Variants in RAPGEF6 observed in about 807,000 individuals in gnomAD.
The protein encoded by RAPGEF6 is Rap guanine nucleotide exchange factor 6, also known as PDZ domain containing guanine nucleotide exchange factor (GEF) 2.
RAPGEF6 carries 56 observed loss-of-function variants against 171.4 expected under a neutral mutation model. That is an observed-to-expected ratio of 0.33 (90% CI 0.26 to 0.41). RAPGEF6 has a LOEUF of 0.41. RAPGEF6 is among the 10% of genes least tolerant of loss of function. RAPGEF6 has a pLI of 1.00. For synonymous variants in RAPGEF6, 692 were observed against 650.1 expected (o/e 1.06, Z -0.98); for missense variants, 1,674 against 1,921.4 (o/e 0.87, Z 2.41).
intron 6 of RAPGEF6, among the ~76,000 whole-genome samples, chr5:131,528,313 T>TTATATATATATATA (rs71590767): frequency 9.4e-4 from 46 of 48,814 alleles, no homozygotes; most frequent in African/African-American, 3.2e-3. Flanking sequence ...TATATTTATA[T>TTATATATATATATA]TATATATATA....
chr5:131,591,221 A>G (rs940500397), intron 4 of RAPGEF6, among the ~76,000 whole-genome samples: 3 of 152,174 alleles, frequency 2.0e-5, no homozygotes, highest in Non-Finnish European at 4.4e-5. Flanking sequence ...AAAAGCCTAG[A>G]AATTTCTTCT....
At chr5:131,621,574 G>A (rs145196198) in intron 1 of RAPGEF6, among the ~76,000 whole-genome samples, 11 of 152,206 alleles carry the variant, frequency 7.2e-5, no homozygotes, top group Admixed American at 2.6e-4. Context: ...TTACAGGCAC[G>A]AGCCACCACA....
intron 1 of RAPGEF6, among the ~76,000 whole-genome samples, chr5:131,620,844 G>A (rs1313551409): frequency 3.3e-5 from 5 of 152,052 alleles, no homozygotes; most frequent in African/African-American, 1.2e-4. Flanking sequence ...TGCCCACCTC[G>A]GCCTCTCAAA....
intron 6 of RAPGEF6, among the ~76,000 whole-genome samples, chr5:131,526,274 G>A (rs1758865769): frequency 6.6e-6 from 1 of 152,096 alleles, no homozygotes; most frequent in Non-Finnish European, 1.5e-5. Context: ...ACATTTGAGT[G>A]CCCACCATTT....
intron 21 of RAPGEF6, among the ~76,000 whole-genome samples, chr5:131,449,326 A>C (rs1321902472): frequency 5.3e-5 from 8 of 152,194 alleles, no homozygotes; most frequent in Admixed American, 4.6e-4. Context: ...TCTTCAATTA[A>C]AGCTGGTAAA....
chr5:131,467,279 T>C (rs1754424564), intron 17 of RAPGEF6, among the ~76,000 whole-genome samples: 1 of 152,238 alleles, frequency 6.6e-6, no homozygotes, highest in Non-Finnish European at 1.5e-5. Flanking sequence ...AATTGTTATA[T>C]GATCACATAA....
At chr5:131,487,306 A>T (rs2149867828) in intron 15 of RAPGEF6, among the ~76,000 whole-genome samples, 1 of 152,348 alleles carries the variant, frequency 6.6e-6, no homozygotes, top group South Asian at 2.1e-4. Flanking sequence ...GAAAGAACAA[A>T]GCTTCCAGAG....
At chr5:131,600,008 AAAG>A (rs1171731575) in intron 3 of RAPGEF6, among the ~76,000 whole-genome samples, 1 of 152,206 alleles carries the variant, frequency 6.6e-6, no homozygotes, top group Non-Finnish European at 1.5e-5. Flanking sequence ...GTACTGTTTT[AAAG>A]AAGAATACCC....
intron 3 of RAPGEF6, among the ~76,000 whole-genome samples, chr5:131,596,761 A>G (rs1310416201): frequency 6.6e-6 from 1 of 152,266 alleles, no homozygotes; most frequent in Non-Finnish European, 1.5e-5. Context: ...AAAGACTTAA[A>G]TGTGAAACCT....
chr5:131,517,812 C>G (rs1407319214), intron 7 of RAPGEF6, among the ~76,000 whole-genome samples: 1 of 146,868 alleles, frequency 6.8e-6, no homozygotes. Context: ...CACACACACA[C>G]ACACACACAC....
chr5:131,452,282 T>C (rs1016843417), intron 21 of RAPGEF6, among the ~76,000 whole-genome samples: 1 of 151,916 alleles, frequency 6.6e-6, no homozygotes, highest in Non-Finnish European at 1.5e-5. Context: ...TTATGTAAGC[T>C]GAGGAAGCCT....
At chr5:131,599,870 C>G (rs1764124007) in intron 3 of RAPGEF6, among the ~76,000 whole-genome samples, 1 of 152,122 alleles carries the variant, frequency 6.6e-6, no homozygotes. Context: ...AAAAATCAAA[C>G]ATAGAGAAAT....
intron 5 of RAPGEF6, among the ~76,000 whole-genome samples, chr5:131,559,814 C>T (rs745954847): frequency 2.0e-5 from 3 of 147,284 alleles, no homozygotes; most frequent in Non-Finnish European, 4.5e-5. Context: ...ACTCTACTCT[C>T]GGTAAGCCCC....
At chr5:131,612,095 G>A (rs767347550) in intron 1 of RAPGEF6, among the ~76,000 whole-genome samples, 19 of 152,100 alleles carry the variant, frequency 1.2e-4, no homozygotes, top group Middle Eastern at 3.4e-3. Context: ...GTGCAGTGAC[G>A]GCAATCATAG....
In RAPGEF6 at chr5:131,521,021, C is replaced by T. The variant is rs558376298; in HGVS notation, c.627+369G>A. Among the ~76,000 whole-genome samples the T allele has an allele frequency of 3.3e-5, 5 of 152,300 alleles. No individual in the cohort carries two copies. The East Asian group carries it at 9.6e-4, about 29-fold the overall frequency. ...GCAGCTCTAATTTTCTTCATGACTTCTAACTACAGAAGACATATACAGTCA... is the reference window on the plus strand; with the variant it reads ...GCAGCTCTAATTTTCTTCATGACTTTTAACTACAGAAGACATATACAGTCA... On this transcript the variant is annotated intron_variant, in intron 7 of 27. Coordinates refer to ENST00000509018, the MANE Select transcript of RAPGEF6 (RefSeq NM_016340.6).
intron 15 of RAPGEF6, among the ~76,000 whole-genome samples, chr5:131,487,141 T>C (rs770295478): frequency 6.6e-6 from 1 of 151,992 alleles, no homozygotes; most frequent in Non-Finnish European, 1.5e-5. Context: ...CTGGAGTTTG[T>C]TCCTTCAGAT....
At chr5:131,518,103 C>G (rs1024528058) in intron 7 of RAPGEF6, among the ~76,000 whole-genome samples, 24 of 152,094 alleles carry the variant, frequency 1.6e-4, no homozygotes, top group African/African-American at 5.8e-4. Flanking sequence ...TGTTCTTGAA[C>G]TCGGATTTAC....
chr5:131,429,135 A>G lies in RAPGEF6; in HGVS notation c.4547T>C (p.Leu1516Ser). Reference protein sequence around the residue: ...PTPPGYLGISLADLKEGPHTH... With the variant: ...PTPPGYLGISSADLKEGPHTH... ...GTGGGGTCCTTCCTTTAGGTCCGCT[A>G]AAGAAATCCCCAAATATCCTGGAGG... Residue 1516 changes from leucine (L) to serine (S), a missense_variant, in exon 27 of 28, where the codon TTA (leucine) becomes TCA (serine). Coordinates refer to ENST00000509018, the MANE Select transcript of RAPGEF6 (RefSeq NM_016340.6). 2 of 1,614,020 alleles carry G rather than the reference A, an allele frequency of 1.2e-6. No homozygotes were observed. Among genetic ancestry groups the G allele is most frequent in the Non-Finnish European group, 1.7e-6 (2 of 1,179,900 alleles).
chr5:131,426,758 C>A lies in RAPGEF6; in HGVS notation c.*508G>T. ...GGTCAGACCAGAGACAATTTTATGA[C>A]CTCAAACATGAATATCAGCTAACAA... On this transcript the variant is annotated 3_prime_UTR_variant, in exon 28 of 28. Transcript: ENST00000509018. The A allele has an allele frequency of 4.7e-5, 8 of 171,434 alleles. No homozygotes were observed. The highest frequency in any genetic ancestry group is 1.5e-4 in the South Asian group (1 of 6,668). 10.6% of individuals were successfully genotyped at this position (171,434 alleles called of 1,614,324 possible). A position where few individuals can be genotyped will look rare whatever the true frequency, so the allele number is the denominator to read the frequency against.
Sources: allele counts gnomAD v4.1 joint callset (sites outside exome capture counted in the v4.1 genomes callset), GRCh38; gene constraint gnomAD v4.1.1; transcripts MANE v1.5; gene names NCBI Gene and HGNC (gene_info 2026-07-23, HGNC 2026-07-21).